The following CNOT6L variants were observed in gnomAD, a reference collection of about 807,000 sequenced individuals.
The protein encoded by CNOT6L is CCR4-NOT transcription complex subunit 6-like.
In CNOT6L, 7 loss-of-function variants were observed where a neutral mutation model predicts 64.0. The ratio of observed to expected loss-of-function variants is 0.11; its 90% CI spans 0.06 to 0.21. The LOEUF (loss-of-function observed/expected upper bound fraction) is 0.21. Ranked by LOEUF, CNOT6L falls within the 10% of genes least tolerant of loss-of-function variation. The pLI, the probability that CNOT6L is intolerant of heterozygous loss-of-function variation, is 1.00. For missense variants in CNOT6L, 245 were observed against 669.0 expected, an observed-to-expected ratio of 0.37 and a Z score of 6.99; for synonymous variants, 193 against 243.4, an observed-to-expected ratio of 0.79 and a Z score of 1.93.
At position 77,768,794 on chromosome 4, in the gene CNOT6L, C is replaced by CA. The variant is rs372675389; in HGVS notation, c.400+4286dup. Among the ~76,000 whole-genome samples the CA allele has an allele frequency of 1.8e-3, 268 of 152,004 alleles. 2 individuals are homozygous for CA. Among genetic ancestry groups the CA allele is most frequent in the African/African-American group, 5.4e-3 (223 of 41,470 alleles). ...TAACTGACAAAACTTAAAAATCTGA[C>CA]AATATCAAGTGTTGGAGAAAAGACT... On this transcript the variant is annotated intron_variant, in intron 4 of 11. Coordinates refer to ENST00000504123, the MANE Select transcript of CNOT6L (RefSeq NM_144571.3).
chr4:77,786,720 G>A (rs906291904), intron 1 of CNOT6L, among the ~76,000 whole-genome samples: 1 of 151,384 alleles, frequency 6.6e-6, no homozygotes, highest in African/African-American at 2.4e-5. Flanking sequence ...CAAGTGATCT[G>A]CCCACCTTGG....
intron 4 of CNOT6L, among the ~76,000 whole-genome samples, chr4:77,764,463 T>C (rs1726583485): frequency 2.6e-5 from 4 of 152,212 alleles, no homozygotes; most frequent in Admixed American, 2.0e-4. Context: ...TTCTTGGCTC[T>C]CTGCCTATGG....
At chr4:77,743,748 CACGCCACCTTGCCT>C (rs900181109) in intron 7 of CNOT6L, among the ~76,000 whole-genome samples, 3 of 151,820 alleles carry the variant, frequency 2.0e-5, no homozygotes, top group South Asian at 2.1e-4. Context: ...ATGACAGGTG[CACGCCACCTTGCCT>C]GGCTAATTTT....
At chr4:77,773,220 C>A in intron 3 of CNOT6L, 54 bp from the exon 4 acceptor site, 1 of 1,108,740 alleles carries the variant, frequency 9.0e-7, no homozygotes, top group Non-Finnish European at 1.3e-6. Flanking sequence ...TTATTAACAT[C>A]TGTATTTGCC....
At position 77,743,638 on chromosome 4, in the gene CNOT6L, G is replaced by C. The variant is rs918028358; in HGVS notation, c.717+1080C>G. Among the ~76,000 whole-genome samples the C allele has an allele frequency of 2.7e-5, 3 of 111,696 alleles. No homozygotes were observed. In the South Asian group the frequency reaches 8.9e-4, roughly 33 times the overall value. The allele number at this position is 111,696 out of a possible 152,430, so 73.3% of individuals were successfully genotyped here. ...TTTTTTTGAGACAGAATCTCGCTCTGCCATCCAGGCTGGAGTGCAGTGGTG... is the reference window on the plus strand; with the variant it reads ...TTTTTTTGAGACAGAATCTCGCTCTCCCATCCAGGCTGGAGTGCAGTGGTG... On this transcript the variant is annotated intron_variant, in intron 7 of 11. Transcript: ENST00000504123.
intron 1 of CNOT6L, among the ~76,000 whole-genome samples, chr4:77,802,290 A>C (rs1300056401): frequency 6.6e-6 from 1 of 152,210 alleles, no homozygotes; most frequent in East Asian, 1.9e-4. Flanking sequence ...CAACAATAAG[A>C]AGAGTAGAGT....
At chr4:77,819,006 G>A (rs77103397) in intron 1 of CNOT6L, 53,814 of 668,300 alleles carry the variant, frequency 0.081, 2,541 homozygotes, top group Non-Finnish European at 0.1. Context: ...CCACAAAGCG[G>A]GAGGGACACG....
At chr4:77,733,104 C>A (rs567527829) in intron 8 of CNOT6L, among the ~76,000 whole-genome samples, 2 of 152,072 alleles carry the variant, frequency 1.3e-5, no homozygotes, top group African/African-American at 4.8e-5. Flanking sequence ...ATACCTTTTA[C>A]AGTTTCTGGT....
At chr4:77,767,158 A>G (rs1726945732) in intron 4 of CNOT6L, among the ~76,000 whole-genome samples, 1 of 150,082 alleles carries the variant, frequency 6.7e-6, no homozygotes, top group African/African-American at 2.4e-5. Flanking sequence ...AGTCTAACAG[A>G]TGTACTTGAT....
At chr4:77,818,659 C>A (rs1733846116) in intron 1 of CNOT6L, among the ~76,000 whole-genome samples, 1 of 152,112 alleles carries the variant, frequency 6.6e-6, no homozygotes, top group Non-Finnish European at 1.5e-5. Flanking sequence ...AATAAGCCTT[C>A]GCCTCTCAGG....
chr4:77,732,509 C>T (rs892254928), intron 8 of CNOT6L, among the ~76,000 whole-genome samples: 3 of 152,100 alleles, frequency 2.0e-5, no homozygotes, highest in African/African-American at 7.2e-5. Flanking sequence ...TCTGTTTCTT[C>T]AAAAATATTG....
chr4:77,778,030 C>G (rs1172613031), intron 1 of CNOT6L, among the ~76,000 whole-genome samples: 3 of 152,192 alleles, frequency 2.0e-5, no homozygotes, highest in African/African-American at 7.2e-5. Flanking sequence ...TCTAATCTTA[C>G]ACAATTTGGG....
At chr4:77,819,497 G>T (rs1271524997), upstream of CNOT6L, 1 of 1,248,084 alleles carries the variant, frequency 8.0e-7, no homozygotes, top group Admixed American at 2.5e-5. Flanking sequence ...AGGGGAAGCC[G>T]CGGCGGCACA....
chr4:77,754,947 TC>T, intron 5 of CNOT6L, among the ~76,000 whole-genome samples: 1 of 119,222 alleles, frequency 8.4e-6, no homozygotes. Context: ...GAGAATATAT[TC>T]ATGATCTTGT....
In CNOT6L at chr4:77,717,416, T is replaced by C. The variant is rs1720856782; in HGVS notation, c.*3015A>G. On this transcript the variant is annotated 3_prime_UTR_variant, in exon 12 of 12. Transcript: ENST00000504123. Reference sequence around the variant, plus strand: ...TAGTAAATTTTAAGAACATTCCGGTTCTTAGACAAATATCGAAATAATATT... The same window carrying C: ...TAGTAAATTTTAAGAACATTCCGGTCCTTAGACAAATATCGAAATAATATT... 6.6e-6 allele frequency: 1 copy of C among 152,492 alleles called. No homozygotes were observed. The highest frequency in any genetic ancestry group is 1.5e-5 in the Non-Finnish European group (1 of 68,016). The allele number at this position is 152,492 out of a possible 1,614,324, so 9.4% of individuals were successfully genotyped here.
intron 8 of CNOT6L, among the ~76,000 whole-genome samples, chr4:77,732,847 T>G (rs1421742898): frequency 1.3e-5 from 2 of 152,042 alleles, no homozygotes; most frequent in Non-Finnish European, 2.9e-5. Context: ...AGAGGAGAGA[T>G]AAAAGTTCTA....
rs1055431593 is a variant in CNOT6L at position 77,719,763 on chromosome 4, G to C, written c.*668C>G. The C allele has an allele frequency of 1.3e-5, 2 of 152,524 alleles. No homozygotes were observed. Among genetic ancestry groups the C allele is most frequent in the Non-Finnish European group, 2.9e-5 (2 of 68,020 alleles). 9.4% of individuals were successfully genotyped at this position (152,524 alleles called of 1,614,324 possible). A position where few individuals can be genotyped will look rare whatever the true frequency, so the allele number is the denominator to read the frequency against. On this transcript the variant is annotated 3_prime_UTR_variant, in exon 12 of 12. Transcript: ENST00000504123. ...ATATATAAAGGACAAAAAAACCAAAGTGATTCCTCAAAAAAACTCCAAACC... is the reference window on the plus strand; with the variant it reads ...ATATATAAAGGACAAAAAAACCAAACTGATTCCTCAAAAAAACTCCAAACC...
intron 1 of CNOT6L, among the ~76,000 whole-genome samples, chr4:77,786,816 C>T (rs1433537449): frequency 6.6e-6 from 1 of 151,980 alleles, no homozygotes; most frequent in Non-Finnish European, 1.5e-5. Context: ...AGGAGAGAGG[C>T]TGTTCACAGG....
At position 77,724,310 on chromosome 4, in the gene CNOT6L, A is replaced by T. The variant is rs545587306; in HGVS notation, c.1455+1857T>A. 2.7e-5 allele frequency among the ~76,000 whole-genome samples: 4 copies of T among 147,834 alleles called. No individual in the cohort carries two copies. The East Asian group carries it at 8.2e-4, about 30-fold the overall frequency. ...AGCTGCAGTGAGTCATGATTGTGCCACTCTAGGTGACAGAGTGAGACCCTG... is the reference window on the plus strand; with the variant it reads ...AGCTGCAGTGAGTCATGATTGTGCCTCTCTAGGTGACAGAGTGAGACCCTG... On this transcript the variant is annotated intron_variant, in intron 11 of 11. Coordinates refer to ENST00000504123, the MANE Select transcript of CNOT6L (RefSeq NM_144571.3).
Sources: gnomAD v4.1 joint callset for allele counts (sites outside exome capture counted in the v4.1 genomes callset) on GRCh38, gnomAD v4.1.1 for gene constraint, MANE v1.5 for transcripts, NCBI Gene and HGNC (gene_info 2026-07-23, HGNC 2026-07-21) for gene names.